Variants in MYO18B observed in about 807,000 individuals in gnomAD.
The protein encoded by MYO18B is unconventional myosin-XVIIIb.
In MYO18B, 204 loss-of-function variants were observed where a neutral mutation model predicts 273.0. The observed-to-expected ratio is 0.75, with a 90% CI of 0.67 to 0.84. The LOEUF (loss-of-function observed/expected upper bound fraction) is 0.84. MYO18B is among the 40% of genes least tolerant of loss of function. MYO18B has a pLI of 0.00. For missense variants in MYO18B, 3,212 were observed against 3,287.6 expected, an observed-to-expected ratio of 0.98 and a Z score of 0.56; for synonymous variants, 1,330 against 1,305.7, an observed-to-expected ratio of 1.02 and a Z score of -0.40.
chr22:25,747,528 C>T (rs1029386190), intron 1 of MYO18B, among the ~76,000 whole-genome samples: 10 of 152,168 alleles, frequency 6.6e-5, no homozygotes, highest in African/African-American at 2.4e-4. Context: ...GATGACTCAC[C>T]GGGTGGCCAG....
chr22:25,855,485 A>G (rs111693837), intron 21 of MYO18B, among the ~76,000 whole-genome samples: 5,128 of 152,008 alleles, frequency 0.034, 265 homozygotes, highest in African/African-American at 0.12. Flanking sequence ...GGGTTTCACC[A>G]TGTTAGCCAG....
chr22:25,815,503 G>A (rs1238808017), intron 12 of MYO18B, among the ~76,000 whole-genome samples: 1 of 152,118 alleles, frequency 6.6e-6, no homozygotes, highest in Non-Finnish European at 1.5e-5. Context: ...GATGGGAGAG[G>A]AGCTACCCCA....
intron 37 of MYO18B, among the ~76,000 whole-genome samples, chr22:25,951,397 A>C (rs891324377): frequency 6.7e-6 from 1 of 149,990 alleles, no homozygotes; most frequent in Non-Finnish European, 1.5e-5. Flanking sequence ...ACCAGTCCTT[A>C]GACAGACACA....
rs980051048 is a variant in MYO18B, at chr22:25,921,293, C to T, written c.5401C>T (p.Arg1801Trp). 46 of 1,555,436 alleles carry T rather than the reference C, an allele frequency of 3.0e-5. No individual in the cohort carries two copies. The highest frequency in any genetic ancestry group is 7.8e-5 in the Admixed American group (4 of 51,184). ...GGACTTTGATGTGGAGAAGCGACTT[C>T]GGAGAGACCTCAGGAGGACACATGC... The part of the protein sequence containing the change: ...HRDFDVEKRL[R>W]RDLRRTHALL... The change falls in exon 34 of 44, where the codon CGG becomes TGG. Residue 1801 changes from arginine to tryptophan, a missense_variant. Transcript: ENST00000335473.
chr22:25,902,523 G>A lies in MYO18B; in HGVS notation c.4824-90G>A, dbSNP rs548992760. 47 of 1,391,726 alleles carry A rather than the reference G, an allele frequency of 3.4e-5. 1 individual carries two copies. The African/African-American group carries it at 4.8e-4, about 14-fold the overall frequency. 86.2% of individuals were successfully genotyped at this position (1,391,726 alleles called of 1,614,324 possible). A position where few individuals can be genotyped will look rare whatever the true frequency, so the allele number is the denominator to read the frequency against. ...TTCTAATGGTTCTTGGGAAACTAGC[G>A]GCCTCTCTGCAGCCCCTCCCTGCCC... On this transcript the variant is annotated intron_variant, in intron 29 of 43. Transcript: ENST00000335473.
At chr22:25,997,932 A>AAC (rs3070628) in intron 40 of MYO18B, among the ~76,000 whole-genome samples, 3,743 of 144,712 alleles carry the variant, frequency 0.026, 137 homozygotes, top group African/African-American at 0.087. Context: ...CCAGGAGAGA[A>AAC]ACACACACAC....
intron 32 of MYO18B, 22 bp from the exon 33 acceptor site, chr22:25,910,924 T>C: frequency 6.4e-7 from 1 of 1,557,072 alleles, no homozygotes; most frequent in Non-Finnish European, 8.7e-7. Context: ...CCCTGTGATG[T>C]TTCTTCCCTG....
chr22:25,847,908 GTT>G (rs367899369), intron 20 of MYO18B, among the ~76,000 whole-genome samples: 1 of 145,348 alleles, frequency 6.9e-6, no homozygotes, highest in African/African-American at 2.5e-5. Context: ...GAAGCCCACT[GTT>G]TTTTTTTTTC....
chr22:25,799,510 G>C (rs1165255132), intron 12 of MYO18B, among the ~76,000 whole-genome samples: 1 of 152,064 alleles, frequency 6.6e-6, no homozygotes, highest in African/African-American at 2.4e-5. Flanking sequence ...GGCTTCCTTT[G>C]GGCCCAGAGC....
intron 36 of MYO18B, among the ~76,000 whole-genome samples, chr22:25,950,027 C>T (rs771688085): frequency 1.3e-5 from 2 of 152,164 alleles, no homozygotes; most frequent in Non-Finnish European, 2.9e-5. Context: ...GGTCTAGAAG[C>T]TCAGTTAAAT....
At chr22:25,895,135 C>T (rs759753715) in intron 27 of MYO18B, 21 bp from the exon 28 acceptor site, 20 of 1,609,590 alleles carry the variant, frequency 1.2e-5, no homozygotes, top group Admixed American at 1.0e-4. Context: ...TTATCCTGGT[C>T]TCCCTGACTC....
chr22:26,060,501 G>A, the MYO18B span, among the ~76,000 whole-genome samples: 1 of 152,162 alleles, frequency 6.6e-6, no homozygotes, highest in Non-Finnish European at 1.5e-5. Flanking sequence ...GAGGCTCCTG[G>A]GTCAACTGGC....
At chr22:25,910,916 C>G in intron 32 of MYO18B, 30 bp from the exon 33 acceptor site, 1 of 1,525,048 alleles carries the variant, frequency 6.6e-7, no homozygotes, top group South Asian at 1.2e-5. Flanking sequence ...TTCATTTACC[C>G]TGTGATGTTT....
At chr22:25,874,605 G>A (rs1450107293) in intron 23 of MYO18B, among the ~76,000 whole-genome samples, 191 bp downstream of exon 23, 2 of 152,154 alleles carry the variant, frequency 1.3e-5, no homozygotes, top group Non-Finnish European at 2.9e-5. Context: ...CCATGAGGTC[G>A]GCCTTGCGCT....
intron 39 of MYO18B, among the ~76,000 whole-genome samples, chr22:25,962,340 A>C (rs1569240992): frequency 6.6e-6 from 1 of 152,270 alleles, no homozygotes; most frequent in African/African-American, 2.4e-5. Flanking sequence ...AGAGAGAGAA[A>C]CCCTGAGAGA....
At position 25,832,940 on chromosome 22, in the gene MYO18B, C is replaced by G. The variant is rs780180943; in HGVS notation, c.3003C>G (p.Asp1001Glu). Residue 1001 changes from aspartate to glutamate, a missense_variant, in exon 16 of 44, where the codon GAC (aspartate) becomes GAG (glutamate). Coordinates refer to ENST00000335473, the MANE Select transcript of MYO18B (RefSeq NM_032608.7). ...YQEEGVPVQF[D>E]LPDPSPGTTV... ...AGGAAGGTGTTCCTGTGCAGTTTGA[C>G]CTCCCGGACCCCTCCCCAGGGACCA... The G allele has an allele frequency of 1.2e-6, 2 of 1,613,888 alleles. No individual in the cohort carries two copies. Among genetic ancestry groups the G allele is most frequent in the South Asian group, 2.2e-5 (2 of 91,062 alleles).
At chr22:25,853,506 T>G (rs2090482903) in intron 21 of MYO18B, among the ~76,000 whole-genome samples, 2 of 152,282 alleles carry the variant, frequency 1.3e-5, no homozygotes, top group Non-Finnish European at 2.9e-5. Flanking sequence ...TCTGCCTGAC[T>G]TGGTGCCATC....
intron 14 of MYO18B, among the ~76,000 whole-genome samples, chr22:25,827,979 A>G (rs1042368647): frequency 6.6e-6 from 1 of 152,294 alleles, no homozygotes; most frequent in African/African-American, 2.4e-5. Flanking sequence ...TCCCCATTTT[A>G]TAGTTGGAAA....
At chr22:25,925,153 G>C (rs1481530786) in intron 34 of MYO18B, among the ~76,000 whole-genome samples, 1 of 152,032 alleles carries the variant, frequency 6.6e-6, no homozygotes, top group Admixed American at 6.6e-5. Flanking sequence ...TTAGTGTCTT[G>C]GGGTTTCTCA....
Sources: allele counts gnomAD v4.1 joint callset (sites outside exome capture counted in the v4.1 genomes callset), GRCh38; gene constraint gnomAD v4.1.1; transcripts MANE v1.5; gene names NCBI Gene and HGNC (gene_info 2026-07-23, HGNC 2026-07-21).